The following SGK1 variants were observed in gnomAD, a reference collection of about 807,000 sequenced individuals.
SGK1 encodes serum/glucocorticoid regulated kinase 1, also known as serine/threonine-protein kinase Sgk1.
A neutral mutation model predicts 64.2 loss-of-function variants in SGK1; 26 were observed. The observed-to-expected ratio is 0.40, with a 90% CI of 0.30 to 0.56. The LOEUF (loss-of-function observed/expected upper bound fraction) is 0.56. Ranked by LOEUF, SGK1 falls within the 20% of genes least tolerant of loss-of-function variation. The pLI is 0.38. For missense variants in SGK1, 519 were observed against 645.6 expected (o/e 0.80, Z 2.12); for synonymous variants, 265 against 239.7 (o/e 1.11, Z -0.98).
At chr6:134,191,180 T>C (rs1657828114) in intron 3 of SGK1, among the ~76,000 whole-genome samples, 1 of 152,232 alleles carries the variant, frequency 6.6e-6, no homozygotes, top group Middle Eastern at 3.2e-3. Flanking sequence ...TTTCTCCCTC[T>C]TTGTTTTAAA....
chr6:134,213,546 TA>T (rs1562252875), intron 2 of SGK1, among the ~76,000 whole-genome samples: 2,297 of 141,638 alleles, frequency 0.016, 31 homozygotes, highest in Non-Finnish European at 0.025. Context: ...AATAAATAAA[TA>T]AAATGTCCTC....
intron 2 of SGK1, among the ~76,000 whole-genome samples, chr6:134,209,412 C>T (rs956183016): frequency 9.9e-5 from 15 of 152,066 alleles, no homozygotes; most frequent in African/African-American, 2.7e-4. Flanking sequence ...CTAGCCTGGA[C>T]GACAAAGCGA....
chr6:134,255,477 G>A (rs1776669198), intron 2 of SGK1, among the ~76,000 whole-genome samples: 1 of 151,568 alleles, frequency 6.6e-6, no homozygotes, highest in Non-Finnish European at 1.5e-5. Flanking sequence ...GAGGCCAGGA[G>A]TTCAAGTTGC....
chr6:134,313,356 CCAAA>C lies in SGK1; in HGVS notation c.69+4032_69+4035del, dbSNP rs367955096. 2.1e-3 allele frequency among the ~76,000 whole-genome samples: 313 copies of C among 152,126 alleles called. 2 individuals are homozygous for C. Among genetic ancestry groups the C allele is most frequent in the African/African-American group, 7.2e-3 (300 of 41,508 alleles). ...CTTGTCTCTGCAAACAACCAACCAA[CCAAA>C]CAAACAAACAAAAATAACAACAACA... is the stretch of plus-strand genomic sequence containing the variant. On this transcript the variant is annotated intron_variant, in intron 1 of 13. Coordinates refer to ENST00000367858, the MANE Select transcript of SGK1 (RefSeq NM_001143676.3).
chr6:134,237,979 A>G (rs1441174588), intron 2 of SGK1, among the ~76,000 whole-genome samples: 1 of 152,214 alleles, frequency 6.6e-6, no homozygotes, highest in Non-Finnish European at 1.5e-5. Flanking sequence ...AAAGTGTGTA[A>G]AAAACATCTT....
At chr6:134,273,551 C>T (rs1321336218) in intron 1 of SGK1, among the ~76,000 whole-genome samples, 52 of 129,872 alleles carry the variant, frequency 4.0e-4, no homozygotes, top group African/African-American at 1.5e-3. Flanking sequence ...CGAGATCCCG[C>T]CACTGCACTC....
Position 134,262,076 on chromosome 6 carries a change from A to G in SGK1, c.142T>C (p.Ser48Pro), listed in dbSNP as rs371680373. 1 of 1,613,462 alleles carries G rather than the reference A, an allele frequency of 6.2e-7. No individual in the cohort carries two copies. Among genetic ancestry groups the G allele is most frequent in the East Asian group, 2.2e-5 (1 of 44,864 alleles). ...HQSPSLKYTGSSMVHIPPGEP... is the reference protein window; with the variant it reads ...HQSPSLKYTGPSMVHIPPGEP... Reference sequence around the variant, plus strand: ...CCTGGAGGGATGTGCACCATGGAGGAGCCGGTGTACTTCAGGCTGGGACTC... The same window carrying G: ...CCTGGAGGGATGTGCACCATGGAGGGGCCGGTGTACTTCAGGCTGGGACTC... Residue 48 changes from serine to proline, a missense_variant, in exon 2 of 14, where the codon TCC (serine) becomes CCC (proline). Physicochemically the swap from Ser to Pro is moderately conservative, Grantham distance 74. Around this residue, in one of 2 missense-constraint regions of SGK1, gnomAD observed 241 missense variants for 236.9 expected, o/e 1.02. Transcript: ENST00000367858.
At chr6:134,223,583 A>T (rs1475292902) in intron 2 of SGK1, among the ~76,000 whole-genome samples, 1 of 152,220 alleles carries the variant, frequency 6.6e-6, no homozygotes, top group Non-Finnish European at 1.5e-5. Context: ...TTTGGATTTT[A>T]TGCGAGGTTC....
intron 2 of SGK1, among the ~76,000 whole-genome samples, chr6:134,231,235 T>C (rs1432504051): frequency 6.6e-6 from 1 of 152,178 alleles, no homozygotes; most frequent in East Asian, 1.9e-4. Context: ...GACTGTGTAG[T>C]GGCTTATTAC....
intron 1 of SGK1, among the ~76,000 whole-genome samples, chr6:134,265,856 G>A (rs1776847410): frequency 6.6e-6 from 1 of 151,566 alleles, no homozygotes; most frequent in South Asian, 2.1e-4. Context: ...AAGCCAAGCT[G>A]GTTAGAACTC....
chr6:134,289,031 A>G (rs892346180), intron 1 of SGK1, among the ~76,000 whole-genome samples: 3 of 152,262 alleles, frequency 2.0e-5, no homozygotes, highest in Non-Finnish European at 4.4e-5. Context: ...GAGAAACCAC[A>G]AAGATCCTCC....
intron 1 of SGK1, among the ~76,000 whole-genome samples, chr6:134,281,534 T>C (rs568668451): frequency 3.3e-4 from 50 of 151,700 alleles, no homozygotes; most frequent in African/African-American, 1.2e-3. Context: ...TTTTTTTTTT[T>C]AGAGACAGAT....
At chr6:134,244,926 C>T (rs957668674) in intron 2 of SGK1, among the ~76,000 whole-genome samples, 1 of 152,316 alleles carries the variant, frequency 6.6e-6, no homozygotes, top group African/African-American at 2.4e-5. Flanking sequence ...CAGGCACCCA[C>T]CACCATGCCC....
Position 134,271,176 on chromosome 6 carries a change from G to A in SGK1, c.70-9028C>T, listed in dbSNP as rs111560222. Among the ~76,000 whole-genome samples, 1,016 of 133,168 alleles carry A rather than the reference G, an allele frequency of 7.6e-3. 50 individuals carry two copies. The highest frequency in any genetic ancestry group is 0.024 in the African/African-American group (951 of 39,810). 87.4% of individuals were successfully genotyped at this position (133,168 alleles called of 152,430 possible). On this transcript the variant is annotated intron_variant, in intron 1 of 13. Coordinates refer to ENST00000367858, the MANE Select transcript of SGK1 (RefSeq NM_001143676.3). ...TCTACTAAAAATACAAAAATTAGTCGGGCGCGGGGGCACATGCCTGTAATT... is the reference window on the plus strand; with the variant it reads ...TCTACTAAAAATACAAAAATTAGTCAGGCGCGGGGGCACATGCCTGTAATT...
rs114874334 is a variant in SGK1 at position 134,226,415 on chromosome 6, C to T, written c.286-18984G>A. Among the ~76,000 whole-genome samples the T allele has an allele frequency of 8.6e-5, 13 of 151,192 alleles. No individual in the cohort carries two copies. The South Asian group carries it at 2.3e-3, about 27-fold the overall frequency. ...TTGTTTTTGTTTTTTTAAATAGAGACGGGGCCGAGTGCAGTGGCGCATGCT... is the reference window on the plus strand; with the variant it reads ...TTGTTTTTGTTTTTTTAAATAGAGATGGGGCCGAGTGCAGTGGCGCATGCT... On this transcript the variant is annotated intron_variant, in intron 2 of 13. Coordinates refer to ENST00000367858, the MANE Select transcript of SGK1 (RefSeq NM_001143676.3).
At chr6:134,229,580 A>G (rs1483385810) in intron 2 of SGK1, among the ~76,000 whole-genome samples, 1 of 152,208 alleles carries the variant, frequency 6.6e-6, no homozygotes, top group Admixed American at 6.5e-5. Flanking sequence ...TTTTATACAA[A>G]ATCAATTTTT....
intron 1 of SGK1, among the ~76,000 whole-genome samples, chr6:134,275,741 C>T (rs773618988): frequency 9.2e-5 from 14 of 152,226 alleles, no homozygotes; most frequent in African/African-American, 3.4e-4. Flanking sequence ...CTATTGTGCC[C>T]GGAATGCATC....
At chr6:134,179,922 T>A (rs1366326499) in intron 3 of SGK1, among the ~76,000 whole-genome samples, 4 of 152,144 alleles carry the variant, frequency 2.6e-5, no homozygotes, top group Admixed American at 6.5e-5. Context: ...GTGGGAATAC[T>A]TGACATGGGA....
At chr6:134,300,862 G>C (rs1320335181) in intron 1 of SGK1, among the ~76,000 whole-genome samples, 1 of 151,916 alleles carries the variant, frequency 6.6e-6, no homozygotes, top group African/African-American at 2.4e-5. Flanking sequence ...TTGAACTCCT[G>C]ACCTCGGGTG....
Sources: allele counts gnomAD v4.1 joint callset (sites outside exome capture counted in the v4.1 genomes callset), GRCh38; gene constraint gnomAD v4.1.1; regional missense constraint gnomAD v4.1.1; transcripts MANE v1.5; gene names NCBI Gene and HGNC (gene_info 2026-07-23, HGNC 2026-07-21).